ZCCHC17: variants seen among roughly 807,000 people sequenced by gnomAD.
The protein encoded by ZCCHC17 is zinc finger CCHC-type containing 17, also known as zinc finger CCHC domain-containing protein 17.
A neutral mutation model predicts 30.6 loss-of-function variants in ZCCHC17; 18 were observed. That is an observed-to-expected ratio of 0.59 (90% CI 0.41 to 0.87). The LOEUF (loss-of-function observed/expected upper bound fraction) is 0.87. Among genes scored for constraint, ZCCHC17 ranks in the 40% least tolerant of loss-of-function variants. The pLI, the probability that ZCCHC17 is intolerant of heterozygous loss-of-function variation, is 0.00. For missense variants in ZCCHC17, 263 were observed against 284.2 expected, an observed-to-expected ratio of 0.93 and a Z score of 0.54; for synonymous variants, 88 against 92.4, an observed-to-expected ratio of 0.95 and a Z score of 0.27.
At position 31,330,939 on chromosome 1, in the gene ZCCHC17, A is replaced by C. The variant is rs371347625; in HGVS notation, c.125-6236A>C. ...GAATTCAGACTGCTTTCTGAGAATG[A>C]ATCTAGTCATGAATCCCTCCCATAC... On this transcript the variant is annotated intron_variant, in intron 3 of 7. Transcript: ENST00000344147. 1.3e-3 allele frequency among the ~76,000 whole-genome samples: 205 copies of C among 152,318 alleles called. 4 individuals are homozygous for C. The South Asian group carries it at 0.04, about 30-fold the overall frequency.
intron 3 of ZCCHC17, among the ~76,000 whole-genome samples, chr1:31,331,843 C>G (rs963262047): frequency 6.6e-6 from 1 of 151,978 alleles, no homozygotes; most frequent in African/African-American, 2.4e-5. Context: ...ATCTCTTGAC[C>G]TCCTGATCCG....
Position 31,317,302 on chromosome 1 carries a change from G to A in ZCCHC17, c.67-1807G>A, listed in dbSNP as rs147068293. Among the ~76,000 whole-genome samples, 424 of 152,256 alleles carry A rather than the reference G, an allele frequency of 2.8e-3. 1 individual carries two copies. Among genetic ancestry groups the A allele is most frequent in the African/African-American group, 9.6e-3 (397 of 41,546 alleles). On this transcript the variant is annotated intron_variant, in intron 2 of 7. Coordinates refer to ENST00000344147, the MANE Select transcript of ZCCHC17 (RefSeq NM_016505.4). ...GCCCTTTCAAAGTGCTAGGATTACAGGCATGAGCCTCCGTGCCTGGCCTCC... is the reference window on the plus strand; with the variant it reads ...GCCCTTTCAAAGTGCTAGGATTACAAGCATGAGCCTCCGTGCCTGGCCTCC...
At chr1:31,315,113 C>T (rs575635345) in intron 2 of ZCCHC17, among the ~76,000 whole-genome samples, 1 of 152,322 alleles carries the variant, frequency 6.6e-6, no homozygotes, top group South Asian at 2.1e-4. Flanking sequence ...CTCTCCACTA[C>T]TAGATCGTGA....
chr1:31,327,641 G>C (rs1228961659), intron 3 of ZCCHC17, among the ~76,000 whole-genome samples: 1 of 152,132 alleles, frequency 6.6e-6, no homozygotes, highest in African/African-American at 2.4e-5. Context: ...TAGTCCCTTA[G>C]TAGCCTTCTC....
At chr1:31,330,304 C>T (rs1388301051) in intron 3 of ZCCHC17, among the ~76,000 whole-genome samples, 2 of 152,158 alleles carry the variant, frequency 1.3e-5, no homozygotes, top group Non-Finnish European at 2.9e-5. Flanking sequence ...TGTCAGGTTT[C>T]GTTTTTTTCC....
chr1:31,335,857 CTTG>C (rs1184481448), intron 3 of ZCCHC17, among the ~76,000 whole-genome samples: 1 of 151,930 alleles, frequency 6.6e-6, no homozygotes, highest in African/African-American at 2.4e-5. Flanking sequence ...AAAATAGTAG[CTTG>C]TTTATATTTC....
intron 7 of ZCCHC17, among the ~76,000 whole-genome samples, chr1:31,356,734 A>G (rs762043659): frequency 3.3e-5 from 5 of 152,322 alleles, no homozygotes; most frequent in East Asian, 1.9e-4. Context: ...ATTAAAACAT[A>G]CATGTATTGA....
chr1:31,322,815 G>A (rs929862898), intron 3 of ZCCHC17, among the ~76,000 whole-genome samples: 7 of 152,072 alleles, frequency 4.6e-5, no homozygotes, highest in African/African-American at 9.6e-5. Flanking sequence ...TCTGCCTTCC[G>A]GGTTCAAGCG....
chr1:31,320,410 G>A (rs1270205691), intron 3 of ZCCHC17, among the ~76,000 whole-genome samples: 1 of 152,112 alleles, frequency 6.6e-6, no homozygotes, highest in Non-Finnish European at 1.5e-5. Context: ...CCATCACCAC[G>A]ATCTACTTTG....
Position 31,358,922 on chromosome 1 carries a change from T to TA in ZCCHC17, c.565-5109dup, listed in dbSNP as rs1639753888. 2.6e-5 allele frequency among the ~76,000 whole-genome samples: 4 copies of TA among 152,162 alleles called. No individual in the cohort carries two copies. The South Asian group carries it at 8.3e-4, about 32-fold the overall frequency. The stretch of plus-strand genomic sequence containing the variant: ...ACTGAGCCCCAGAGTGCTCAACACT[T>TA]AGAGGTTATGGAGATGAGGATGAAC... On this transcript the variant is annotated intron_variant, in intron 7 of 7. Coordinates refer to ENST00000344147, the MANE Select transcript of ZCCHC17 (RefSeq NM_016505.4).
In ZCCHC17 at chr1:31,303,424, G is replaced by GTCCTTTAAA. The variant is rs1646367644; in HGVS notation, c.-56+6350_-56+6351insCCTTTAAAT. On this transcript the variant is annotated intron_variant, in intron 1 of 7. Coordinates refer to ENST00000344147, the MANE Select transcript of ZCCHC17 (RefSeq NM_016505.4). ...ACTAAAATTCCTTTAAATTCTTAGGGTTCTAGTCAATTAGTACTCAAGTAA... is the reference window on the plus strand; with the variant it reads ...ACTAAAATTCCTTTAAATTCTTAGGGTCCTTTAAATTCTAGTCAATTAGTACTCAAGTAA... Among the ~76,000 whole-genome samples the GTCCTTTAAA allele has an allele frequency of 2.0e-5, 3 of 152,080 alleles. No individual in the cohort carries two copies. In the South Asian group the frequency reaches 6.2e-4, roughly 31 times the overall value.
chr1:31,298,067 A>G (rs978781278), intron 1 of ZCCHC17, among the ~76,000 whole-genome samples: 4 of 152,180 alleles, frequency 2.6e-5, no homozygotes, highest in Non-Finnish European at 5.9e-5. Flanking sequence ...AGTGGTGTGA[A>G]CAGACGGGGG....
At chr1:31,359,039 G>A (rs933352736) in intron 7 of ZCCHC17, among the ~76,000 whole-genome samples, 1 of 152,158 alleles carries the variant, frequency 6.6e-6, no homozygotes, top group African/African-American at 2.4e-5. Context: ...ATGTGTTCTA[G>A]GTAAGATGGT....
chr1:31,346,818 T>A, intron 6 of ZCCHC17, 78 bp downstream of exon 6: 1 of 1,590,428 alleles, frequency 6.3e-7, no homozygotes. Context: ...GGCAGCCCAG[T>A]GTGAGTTTAG....
intron 2 of ZCCHC17, among the ~76,000 whole-genome samples, chr1:31,316,246 C>T (rs1276475457): frequency 6.6e-6 from 1 of 152,132 alleles, no homozygotes; most frequent in Non-Finnish European, 1.5e-5. Context: ...GGATTACAGG[C>T]ATGTGCCGCC....
At chr1:31,344,838 T>G (rs972286073) in intron 5 of ZCCHC17, among the ~76,000 whole-genome samples, 2 of 151,784 alleles carry the variant, frequency 1.3e-5, no homozygotes, top group African/African-American at 4.9e-5. Context: ...CTCAAGTTTC[T>G]GCCTTTGTTA....
chr1:31,339,761 C>A (rs568793210), intron 5 of ZCCHC17, among the ~76,000 whole-genome samples: 1 of 151,988 alleles, frequency 6.6e-6, no homozygotes, highest in African/African-American at 2.4e-5. Flanking sequence ...ATAGAGACCA[C>A]GTGGAAGGGT....
At chr1:31,346,420 C>T (rs1639275002) in intron 5 of ZCCHC17, among the ~76,000 whole-genome samples, 2 of 152,092 alleles carry the variant, frequency 1.3e-5, no homozygotes, top group African/African-American at 4.8e-5. Flanking sequence ...ATATTTTCAT[C>T]CTCTGTGCAT....
At chr1:31,341,005 TTACCTTATATTCC>T (rs1440352728) in intron 5 of ZCCHC17, among the ~76,000 whole-genome samples, 4 of 152,230 alleles carry the variant, frequency 2.6e-5, no homozygotes, top group Non-Finnish European at 1.5e-5. Flanking sequence ...TATCTCCATT[TTACCTTATATTCC>T]TACTTTATAG....
Sources: gnomAD v4.1 joint callset for allele counts (sites outside exome capture counted in the v4.1 genomes callset) on GRCh38, gnomAD v4.1.1 for gene constraint, MANE v1.5 for transcripts, NCBI Gene and HGNC (gene_info 2026-07-23, HGNC 2026-07-21) for gene names.